TPR: variants seen among roughly 807,000 people sequenced by gnomAD.
The protein encoded by TPR is translocated promoter region, nuclear basket protein, also known as nucleoprotein TPR.
In TPR, 51 loss-of-function variants were observed where a neutral mutation model predicts 316.1. The observed-to-expected ratio is 0.16, with a 90% confidence interval of 0.13 to 0.20. The LOEUF is 0.20. Ranked by LOEUF, TPR falls within the 10% of genes least tolerant of loss-of-function variation. The pLI is 1.00. For synonymous variants in TPR, 981 were observed against 914.7 expected, an observed-to-expected ratio of 1.07 and a Z score of -1.31; for missense variants, 2,272 against 2,754.8, an observed-to-expected ratio of 0.82 and a Z score of 3.92.
intron 15 of TPR, 87 bp downstream of exon 15, chr1:186,356,199 T>C (rs757193280): frequency 4.8e-5 from 57 of 1,197,396 alleles, no homozygotes; most frequent in Non-Finnish European, 6.3e-5. Context: ...GCTACCATCA[T>C]TAGAGTGGCT....
rs1355298124 is a variant in TPR, at chr1:186,314,222, T to C, written c.7037-196A>G. On this transcript the variant is annotated intron_variant, in intron 50 of 50. Transcript: ENST00000367478. Reference sequence around the variant, plus strand: ...TGACACAAGTACAATCTAAAAGTTATATTGGAAAACATGGAAATATTAAAA... The same window carrying C: ...TGACACAAGTACAATCTAAAAGTTACATTGGAAAACATGGAAATATTAAAA... The C allele has an allele frequency of 1.2e-5, 6 of 516,936 alleles. No homozygotes were observed. In the Admixed American group the frequency reaches 1.8e-4, roughly 16 times the overall value. 32.0% of individuals were successfully genotyped at this position (516,936 alleles called of 1,614,324 possible). A position where few individuals can be genotyped will look rare whatever the true frequency, so the allele number is the denominator to read the frequency against.
chr1:186,356,501 T>C, intron 14 of TPR, 52 bp from the exon 15 acceptor site: 8 of 1,504,982 alleles, frequency 5.3e-6, no homozygotes, highest in Non-Finnish European at 6.3e-6. Flanking sequence ...GTTAACTGAT[T>C]GTAATTTCTA....
chr1:186,319,003 T>C (rs1015693846), intron 46 of TPR, among the ~76,000 whole-genome samples, 175 bp from the exon 47 acceptor site: 1 of 152,210 alleles, frequency 6.6e-6, no homozygotes, highest in Non-Finnish European at 1.5e-5. Context: ...TTTTATTTTA[T>C]TTTAGAGACA....
intron 37 of TPR, 114 bp from the exon 38 acceptor site, chr1:186,332,457 T>A: frequency 9.2e-7 from 1 of 1,082,686 alleles, no homozygotes; most frequent in Non-Finnish European, 1.3e-6. Context: ...CATTTAATTG[T>A]ACAGATTACT....
intron 45 of TPR, among the ~76,000 whole-genome samples, 200 bp downstream of exon 45, chr1:186,322,118 G>C (rs1035084828): frequency 3.9e-5 from 6 of 152,136 alleles, no homozygotes; most frequent in African/African-American, 1.4e-4. Flanking sequence ...CAAAATTCTT[G>C]GTAGAAGTAA....
rs767333694 is a variant in TPR, at chr1:186,355,757, C to G, written c.1900G>C (p.Asp634His). The part of the protein sequence containing the change: ...VAIPLHASSL[D>H]DVSLASTPKR... The stretch of plus-strand genomic sequence containing the variant: ...GGAGTTGATGCAAGAGAAACATCAT[C>G]TAAGCTTGAAGCTTCAGGAAAGTAA... Residue 634 changes from aspartate to histidine, a missense_variant, in exon 16 of 51, where the codon GAT becomes CAT. Physicochemically the swap from Asp to His is moderately conservative, Grantham distance 81 (BLOSUM62 -1). Coordinates refer to ENST00000367478, the MANE Select transcript of TPR (RefSeq NM_003292.3). 1.9e-6 allele frequency: 3 copies of G among 1,613,784 alleles called. No homozygotes were observed. Among genetic ancestry groups the G allele is most frequent in the Non-Finnish European group, 2.5e-6 (3 of 1,179,934 alleles).
intron 17 of TPR, among the ~76,000 whole-genome samples, chr1:186,354,925 C>T (rs781100719): frequency 8.6e-5 from 13 of 151,862 alleles, no homozygotes; most frequent in Non-Finnish European, 1.8e-4. Context: ...TTTTTTGAGA[C>T]AGAATCTCAC....
intron 27 of TPR, 157 bp downstream of exon 27, chr1:186,343,169 T>G (rs1429025124): frequency 1.1e-6 from 1 of 924,640 alleles, no homozygotes; most frequent in Admixed American, 3.4e-5. Context: ...TTTTAAGCAC[T>G]ATACTATATT....
chr1:186,322,776 T>C (rs1436536085), intron 43 of TPR, 190 bp from the exon 44 acceptor site: 7 of 579,482 alleles, frequency 1.2e-5, no homozygotes, highest in Non-Finnish European at 2.2e-5. Context: ...TTATAGTCTA[T>C]AATATTAACC....
intron 20 of TPR, 78 bp from the exon 21 acceptor site, chr1:186,350,466 T>C (rs1658826386): frequency 1.8e-6 from 2 of 1,127,826 alleles, no homozygotes; most frequent in Non-Finnish European, 2.4e-6. Context: ...TTATAGACCT[T>C]TGGAGCTCGG....
chr1:186,372,573 C>A (rs1343922994), intron 2 of TPR, among the ~76,000 whole-genome samples: 1 of 151,996 alleles, frequency 6.6e-6, no homozygotes, highest in Non-Finnish European at 1.5e-5. Context: ...ATTAATTACA[C>A]CTTTATAGAG....
intron 9 of TPR, 24 bp downstream of exon 9, chr1:186,361,598 G>T: frequency 3.8e-6 from 6 of 1,568,890 alleles, no homozygotes; most frequent in Non-Finnish European, 4.4e-6. Context: ...CAAAAATAAT[G>T]TTCCCATAAC....
In TPR at chr1:186,346,307, G is replaced by A. The variant is rs1306523995; in HGVS notation, c.2944-20C>T. The stretch of plus-strand genomic sequence containing the variant: ...TGTCACCTTTACCATATTACAAACA[G>A]TAGGATATAAAAATTACACACATTT... On this transcript the variant is annotated intron_variant, in intron 22 of 50. Coordinates refer to ENST00000367478, the MANE Select transcript of TPR (RefSeq NM_003292.3). 1.3e-6 allele frequency: 2 copies of A among 1,586,616 alleles called. No homozygotes were observed. The highest frequency in any genetic ancestry group is 1.2e-5 in the South Asian group (1 of 86,002).
Position 186,360,789 on chromosome 1 carries a change from G to A in TPR, c.1075C>T (p.Leu359Phe), listed in dbSNP as rs1659162486. 1.2e-6 allele frequency: 2 copies of A among 1,612,802 alleles called. No homozygotes were observed. Among genetic ancestry groups the A allele is most frequent in the Non-Finnish European group, 1.7e-6 (2 of 1,179,204 alleles). Residue 359 changes from leucine to phenylalanine, a missense_variant, in exon 10 of 51, where the codon CTT (leucine) becomes TTT (phenylalanine). Physicochemically the swap from Leu to Phe is conservative, Grantham distance 22. Around this residue, in one of 10 missense-constraint regions of TPR, gnomAD observed 549 missense variants for 598.6 expected, o/e 0.92. Transcript: ENST00000367478. Reference protein sequence around the residue: ...LEKELENANDLLSATKRKGAI... With the variant: ...LEKELENANDFLSATKRKGAI... ...CCTTTACGTTTTGTGGCAGAAAGAAGGTCATTTGCATTCTCTAATTCCTTC... is the reference window on the plus strand; with the variant it reads ...CCTTTACGTTTTGTGGCAGAAAGAAAGTCATTTGCATTCTCTAATTCCTTC...
Position 186,339,659 on chromosome 1 carries a change from A to C in TPR, c.4134T>G (p.Leu1378=), listed in dbSNP as rs771757908. The part of the protein sequence containing the change: ...IQQLTEEIGR[L]KAEIARSNAS... The stretch of plus-strand genomic sequence containing the variant: ...CCATATACCTTGCAATTTCAGCTTT[A>C]AGTCTACCAATTTCTTCTGTCAATT... Residue 1378 remains leucine (L), a synonymous_variant, in exon 30 of 51, where the codon CTT becomes CTG. Coordinates refer to ENST00000367478, the MANE Select transcript of TPR (RefSeq NM_003292.3). 1 of 1,584,386 alleles carries C rather than the reference A, an allele frequency of 6.3e-7. No individual in the cohort carries two copies. The highest frequency in any genetic ancestry group is 8.6e-7 in the Non-Finnish European group (1 of 1,167,284).
At chr1:186,333,531 A>C in intron 36 of TPR, 137 bp from the exon 37 acceptor site, 1 of 1,022,924 alleles carries the variant, frequency 9.8e-7, no homozygotes, top group South Asian at 1.7e-5. Context: ...GGTAAAGGTA[A>C]TGTATTATGC....
intron 49 of TPR, 139 bp downstream of exon 49, chr1:186,317,343 A>T: frequency 1.5e-6 from 1 of 686,120 alleles, no homozygotes; most frequent in Non-Finnish European, 2.5e-6. Flanking sequence ...AGTTCCTTTT[A>T]ATAATAAAAT....
chr1:186,362,426 G>T, intron 6 of TPR, 46 bp from the exon 7 acceptor site: 1 of 1,445,514 alleles, frequency 6.9e-7, no homozygotes, highest in Non-Finnish European at 9.7e-7. Flanking sequence ...CATATTAACT[G>T]AAATTACTCT....
chr1:186,356,380 C>T lies in TPR; in HGVS notation c.1794G>A (p.Gln598=), dbSNP rs1358324759. 5 of 1,613,752 alleles carry T rather than the reference C, an allele frequency of 3.1e-6. No individual in the cohort carries two copies. The highest frequency in any genetic ancestry group is 3.4e-6 in the Non-Finnish European group (4 of 1,179,880). The change falls in exon 15 of 51, where the codon CAG becomes CAA. Residue 598 remains glutamine (Q), a synonymous_variant. Coordinates refer to ENST00000367478, the MANE Select transcript of TPR (RefSeq NM_003292.3). ...TELEQLRKSR[Q]HQMQLVDSIV... is the part of the protein sequence containing the mutation. ...TGGAATCAACAAGCTGCATTTGATG[C>T]TGTCGTGATTTGCGGAGTTGTTCTA...
Sources: allele counts gnomAD v4.1 joint callset (sites outside exome capture counted in the v4.1 genomes callset), GRCh38; gene constraint gnomAD v4.1.1; regional missense constraint gnomAD v4.1.1; transcripts MANE v1.5; gene names NCBI Gene and HGNC (gene_info 2026-07-23, HGNC 2026-07-21).